The following SYT1 variants were observed in gnomAD, a reference collection of about 807,000 sequenced individuals.
The protein encoded by SYT1 is synaptotagmin-1.
A neutral mutation model predicts 44.8 loss-of-function variants in SYT1; 8 were observed. That is an observed-to-expected ratio of 0.18 (90% confidence interval 0.10 to 0.32). The LOEUF is 0.32. SYT1 is among the 10% of genes least tolerant of loss of function. The pLI, the probability that SYT1 is intolerant of heterozygous loss-of-function variation, is 1.00. For missense variants in SYT1, 286 were observed against 509.3 expected (o/e 0.56, Z 4.22); for synonymous variants, 154 against 188.8 (o/e 0.82, Z 1.51).
chr12:79,015,461 A>G (rs17041534), intron 2 of SYT1, among the ~76,000 whole-genome samples: 3,396 of 152,138 alleles, frequency 0.022, 120 homozygotes, highest in African/African-American at 0.077. Context: ...CTCTTTGACA[A>G]TTTGTTTTAT....
At chr12:79,188,102 T>C (rs1565846495) in intron 3 of SYT1, among the ~76,000 whole-genome samples, 2 of 152,154 alleles carry the variant, frequency 1.3e-5, no homozygotes, top group Non-Finnish European at 2.9e-5. Flanking sequence ...GTAAATTTCA[T>C]ATTTATTGTG....
intron 3 of SYT1, among the ~76,000 whole-genome samples, chr12:79,179,399 CATATAG>C (rs1339751533): frequency 4.8e-5 from 1 of 20,944 alleles, no homozygotes; most frequent in African/African-American, 4.1e-4. Flanking sequence ...TATAGATATC[CATATAG>C]ATATAGATAT....
intron 8 of SYT1, among the ~76,000 whole-genome samples, chr12:79,315,322 C>T (rs1881029370): frequency 6.6e-6 from 1 of 152,314 alleles, no homozygotes; most frequent in South Asian, 2.1e-4. Context: ...GCAATCCTTT[C>T]ACCTCAGCCT....
At position 79,217,566 on chromosome 12, in the gene SYT1, C is replaced by T; in HGVS notation, c.47C>T (p.Thr16Ile). 1.2e-6 allele frequency: 2 copies of T among 1,612,046 alleles called. No homozygotes were observed. The highest frequency in any genetic ancestry group is 1.7e-6 in the Non-Finnish European group (2 of 1,179,144). The change falls in exon 4 of 11, where the codon ACC becomes ATC. Residue 16 changes from threonine (T) to isoleucine (I), a missense_variant. Physicochemically the swap from Thr to Ile is moderately conservative, Grantham distance 89 (BLOSUM62 -1). Transcript: ENST00000261205. Reference sequence around the variant, plus strand: ...GAGGCCCTGGCAGCCCCGCCTGTCACCACTGTCGCGACTGTTCTGCCAAGC... The same window carrying T: ...GAGGCCCTGGCAGCCCCGCCTGTCATCACTGTCGCGACTGTTCTGCCAAGC... ...HHEALAAPPVTTVATVLPSNA... is the reference protein window; with the variant it reads ...HHEALAAPPVITVATVLPSNA...
At chr12:79,198,463 T>C (rs1346813449) in intron 3 of SYT1, among the ~76,000 whole-genome samples, 1 of 151,990 alleles carries the variant, frequency 6.6e-6, no homozygotes, top group East Asian at 1.9e-4. Context: ...TAAAAGGCAT[T>C]GATTTGGGAA....
intron 1 of SYT1, among the ~76,000 whole-genome samples, chr12:78,897,765 C>T (rs1052732554): frequency 6.6e-6 from 1 of 152,040 alleles, no homozygotes; most frequent in Non-Finnish European, 1.5e-5. Context: ...AATTTGGAGG[C>T]ATTCTTTTTC....
At chr12:79,125,839 T>C (rs974410480) in intron 3 of SYT1, among the ~76,000 whole-genome samples, 1 of 152,156 alleles carries the variant, frequency 6.6e-6, no homozygotes, top group South Asian at 2.1e-4. Flanking sequence ...GGCCTCCTTA[T>C]CAAAGAAGAC....
At chr12:78,883,409 T>C (rs1487100836) in intron 1 of SYT1, among the ~76,000 whole-genome samples, 1 of 151,690 alleles carries the variant, frequency 6.6e-6, no homozygotes, top group Non-Finnish European at 1.5e-5. Flanking sequence ...ATAAGTGTAA[T>C]ACTTTAATGT....
At chr12:79,186,180 G>A (rs1181517955) in intron 3 of SYT1, among the ~76,000 whole-genome samples, 1 of 151,852 alleles carries the variant, frequency 6.6e-6, no homozygotes, top group African/African-American at 2.4e-5. Flanking sequence ...AAATTTTTAT[G>A]AGTAATATGA....
At chr12:79,236,889 G>A (rs1161877423) in intron 4 of SYT1, among the ~76,000 whole-genome samples, 3 of 152,214 alleles carry the variant, frequency 2.0e-5, no homozygotes, top group Non-Finnish European at 2.9e-5. Context: ...TTGGAATTAG[G>A]TTAGAGAGGT....
At chr12:79,346,449 A>C (rs1882611377) in intron 8 of SYT1, among the ~76,000 whole-genome samples, 1 of 152,200 alleles carries the variant, frequency 6.6e-6, no homozygotes, top group Non-Finnish European at 1.5e-5. Context: ...ACTAACTGGC[A>C]GTTTCCACCT....
intron 3 of SYT1, among the ~76,000 whole-genome samples, chr12:79,190,234 T>C (rs1257485109): frequency 3.9e-5 from 6 of 152,110 alleles, no homozygotes; most frequent in African/African-American, 1.4e-4. Context: ...AGCATGCAAA[T>C]CCATAAAGTC....
intron 10 of SYT1, among the ~76,000 whole-genome samples, chr12:79,447,580 T>G (rs910320121): frequency 3.9e-5 from 6 of 152,180 alleles, no homozygotes; most frequent in African/African-American, 1.4e-4. Flanking sequence ...TACCTTTGTG[T>G]GTCATGTCCC....
intron 3 of SYT1, among the ~76,000 whole-genome samples, chr12:79,211,529 C>T (rs1022894406): frequency 1.3e-4 from 19 of 151,516 alleles, no homozygotes; most frequent in African/African-American, 3.6e-4. Context: ...CATGCTGGTG[C>T]GCTGCACCCA....
At chr12:78,872,646 CT>C (rs548336904) in intron 1 of SYT1, among the ~76,000 whole-genome samples, 1 of 151,474 alleles carries the variant, frequency 6.6e-6, no homozygotes, top group African/African-American at 2.4e-5. Flanking sequence ...TCTTTCCTTT[CT>C]TTTTTTGTAT....
At chr12:79,077,189 C>G (rs2137931264) in intron 3 of SYT1, among the ~76,000 whole-genome samples, 1 of 152,216 alleles carries the variant, frequency 6.6e-6, no homozygotes, top group Admixed American at 6.5e-5. Flanking sequence ...AGCCCCACCT[C>G]TAGAGAATGA....
chr12:79,041,683 G>A (rs1873588892), intron 2 of SYT1, among the ~76,000 whole-genome samples: 1 of 151,986 alleles, frequency 6.6e-6, no homozygotes, highest in Non-Finnish European at 1.5e-5. Context: ...TGGTGAGACA[G>A]GGCATCCCTG....
At chr12:79,006,451 G>T (rs1218473198) in intron 2 of SYT1, among the ~76,000 whole-genome samples, 1 of 152,058 alleles carries the variant, frequency 6.6e-6, no homozygotes, top group Non-Finnish European at 1.5e-5. Flanking sequence ...TGTAAATGAG[G>T]TCTAGACAAC....
chr12:79,239,447 T>C (rs1876374045), intron 4 of SYT1, among the ~76,000 whole-genome samples: 1 of 152,228 alleles, frequency 6.6e-6, no homozygotes, highest in African/African-American at 2.4e-5. Context: ...GAATAAAGTA[T>C]GGACTTTAGT....
Sources: allele counts gnomAD v4.1 joint callset (sites outside exome capture counted in the v4.1 genomes callset), GRCh38; gene constraint gnomAD v4.1.1; transcripts MANE v1.5; gene names NCBI Gene and HGNC (gene_info 2026-07-23, HGNC 2026-07-21).